NRCAM: variants seen among roughly 807,000 people sequenced by gnomAD.
NRCAM encodes the protein NgCAM-related cell adhesion molecule.
A neutral mutation model predicts 156.5 loss-of-function variants in NRCAM; 83 were observed. That is an observed-to-expected ratio of 0.53 (90% CI 0.44 to 0.64). The LOEUF (loss-of-function observed/expected upper bound fraction) is 0.64, where lower values mean the gene tolerates loss of function less well. Among genes scored for constraint, NRCAM ranks in the 30% least tolerant of loss-of-function variants. NRCAM has a pLI of 0.00. For missense variants in NRCAM, 1,417 were observed against 1,597.3 expected, an observed-to-expected ratio of 0.89 and a Z score of 1.92; for synonymous variants, 538 against 563.9, an observed-to-expected ratio of 0.95 and a Z score of 0.65.
chr7:108,310,370 T>C (rs542659135), intron 3 of NRCAM, among the ~76,000 whole-genome samples: 18 of 152,308 alleles, frequency 1.2e-4, no homozygotes, highest in African/African-American at 4.3e-4. Context: ...TCAATGCAGG[T>C]AGAAGACAGA....
At chr7:108,249,700 T>C (rs2096216275) in intron 3 of NRCAM, among the ~76,000 whole-genome samples, 1 of 152,212 alleles carries the variant, frequency 6.6e-6, no homozygotes, top group African/African-American at 2.4e-5. Flanking sequence ...AGAAACAATG[T>C]TCTCTGTACT....
At chr7:108,329,017 A>C (rs1234585636) in intron 2 of NRCAM, among the ~76,000 whole-genome samples, 2 of 152,176 alleles carry the variant, frequency 1.3e-5, no homozygotes, top group African/African-American at 4.8e-5. Flanking sequence ...TTTTTCTTTC[A>C]TGGAAGCCTA....
At chr7:108,410,297 C>G (rs1049461251) in intron 1 of NRCAM, among the ~76,000 whole-genome samples, 1 of 152,174 alleles carries the variant, frequency 6.6e-6, no homozygotes, top group African/African-American at 2.4e-5. Flanking sequence ...TAAGAATTGT[C>G]TTGTTATAGT....
At chr7:108,280,938 T>A (rs1023152112) in intron 3 of NRCAM, among the ~76,000 whole-genome samples, 1 of 152,216 alleles carries the variant, frequency 6.6e-6, no homozygotes, top group African/African-American at 2.4e-5. Context: ...AGGTATTCAA[T>A]ATTTAAAAAT....
At chr7:108,183,032 A>C in intron 22 of NRCAM, 112 bp from the exon 23 acceptor site, 1 of 852,630 alleles carries the variant, frequency 1.2e-6, no homozygotes, top group Non-Finnish European at 1.9e-6. Flanking sequence ...TTGAAATACT[A>C]AAACACAAGC....
chr7:108,164,526 G>T (rs2052374219), intron 30 of NRCAM, among the ~76,000 whole-genome samples: 1 of 109,486 alleles, frequency 9.1e-6, no homozygotes, highest in Non-Finnish European at 1.9e-5. Flanking sequence ...GCCAAATATT[G>T]ACATCCTTAC....
chr7:108,247,631 A>C (rs564798268), intron 3 of NRCAM, among the ~76,000 whole-genome samples: 2 of 141,918 alleles, frequency 1.4e-5, no homozygotes, highest in African/African-American at 5.6e-5. Context: ...CATAATTGTA[A>C]ATTATGCCTA....
chr7:108,355,652 T>C (rs1289004968), intron 2 of NRCAM, among the ~76,000 whole-genome samples: 2 of 152,212 alleles, frequency 1.3e-5, no homozygotes, highest in Non-Finnish European at 2.9e-5. Context: ...CTGCACCATC[T>C]CACCTGGCAA....
rs530766765 is a variant in NRCAM at position 108,409,911 on chromosome 7, A to G, written c.-331-10318T>C. Among the ~76,000 whole-genome samples the G allele has an allele frequency of 7.2e-5, 11 of 152,312 alleles. No homozygotes were observed. In the South Asian group the frequency reaches 1.7e-3, roughly 23 times the overall value. On this transcript the variant is annotated intron_variant, in intron 1 of 32. Transcript: ENST00000379028. The stretch of plus-strand genomic sequence containing the variant: ...CTAAATAAAAATTGTTTTGCATATT[A>G]TATCTTTCTTTTTAAAAGGTTGTAT...
chr7:108,175,502 G>T, intron 27 of NRCAM, 145 bp from the exon 28 acceptor site: 1 of 674,610 alleles, frequency 1.5e-6, no homozygotes, highest in Non-Finnish European at 2.4e-6. Flanking sequence ...AGGGGACAAA[G>T]ATATGTTGGT....
At chr7:108,342,302 A>G (rs543871760) in intron 2 of NRCAM, among the ~76,000 whole-genome samples, 60 of 152,382 alleles carry the variant, frequency 3.9e-4, no homozygotes, top group African/African-American at 1.4e-3. Context: ...GAACAGGCTA[A>G]ATACTTAGGG....
chr7:108,364,380 A>T (rs1329832546), intron 2 of NRCAM, among the ~76,000 whole-genome samples: 1 of 152,214 alleles, frequency 6.6e-6, no homozygotes, highest in Non-Finnish European at 1.5e-5. Flanking sequence ...ATGTGGAGAA[A>T]ATGAAACCCT....
At position 108,191,705 on chromosome 7, in the gene NRCAM, T is replaced by C. The variant is rs774263759; in HGVS notation, c.1903+24A>G. 1.8e-5 allele frequency: 29 copies of C among 1,571,936 alleles called. 1 individual carries two copies. In the South Asian group the frequency reaches 3.4e-4, roughly 19 times the overall value. On this transcript the variant is annotated intron_variant, in intron 18 of 32. Transcript: ENST00000379028. ...CAACCAAATGCAGGGAAGCCAGTTGTGCTATTTTTGTTTTCGTTCTTACCA... is the reference window on the plus strand; with the variant it reads ...CAACCAAATGCAGGGAAGCCAGTTGCGCTATTTTTGTTTTCGTTCTTACCA...
chr7:108,197,363 G>C (rs1327377421), intron 14 of NRCAM, among the ~76,000 whole-genome samples: 1 of 152,148 alleles, frequency 6.6e-6, no homozygotes, highest in Non-Finnish European at 1.5e-5. Context: ...AAGGGCTGAA[G>C]TATAATTCCC....
At chr7:108,343,136 T>C (rs933209618) in intron 2 of NRCAM, among the ~76,000 whole-genome samples, 2 of 152,166 alleles carry the variant, frequency 1.3e-5, no homozygotes, top group Non-Finnish European at 2.9e-5. Context: ...GGGTATGCAG[T>C]TGTCAGTGAT....
chr7:108,214,997 G>C (rs1017732570), intron 11 of NRCAM, among the ~76,000 whole-genome samples: 1 of 152,092 alleles, frequency 6.6e-6, no homozygotes, highest in African/African-American at 2.4e-5. Context: ...CATTTGGTGA[G>C]GAGTGTTTTA....
At chr7:108,280,362 C>T (rs1165879315) in intron 3 of NRCAM, among the ~76,000 whole-genome samples, 6 of 152,208 alleles carry the variant, frequency 3.9e-5, no homozygotes, top group Non-Finnish European at 7.3e-5. Flanking sequence ...ATTGCCAATG[C>T]AGTTTTGATA....
rs576854325 is a variant in NRCAM, at chr7:108,242,854, T to C, written c.-106-2684A>G. On this transcript the variant is annotated intron_variant, in intron 3 of 32. Transcript: ENST00000379028. ...TACAATTTCTGTTGTAAGTTCTTCATGTATTTTGTCTGGATGTATTAACTA... is the reference window on the plus strand; with the variant it reads ...TACAATTTCTGTTGTAAGTTCTTCACGTATTTTGTCTGGATGTATTAACTA... Among the ~76,000 whole-genome samples the C allele has an allele frequency of 4.6e-5, 7 of 152,344 alleles. No homozygotes were observed. The East Asian group carries it at 9.6e-4, about 21-fold the overall frequency.
intron 1 of NRCAM, among the ~76,000 whole-genome samples, chr7:108,411,575 A>G (rs1209159065): frequency 1.3e-5 from 2 of 152,158 alleles, no homozygotes; most frequent in Non-Finnish European, 2.9e-5. Context: ...AATAAAAAGT[A>G]AGTGAGTGCA....
Sources: gnomAD v4.1 joint callset for allele counts (sites outside exome capture counted in the v4.1 genomes callset) on GRCh38, gnomAD v4.1.1 for gene constraint, MANE v1.5 for transcripts, NCBI Gene and HGNC (gene_info 2026-07-23, HGNC 2026-07-21) for gene names.